FASTKD1: variants seen among roughly 807,000 people sequenced by gnomAD.
The protein encoded by FASTKD1 is FAST kinase domain-containing protein 1, mitochondrial.
FASTKD1 carries 94 observed loss-of-function variants against 90.9 expected under a neutral mutation model. That is an observed-to-expected ratio of 1.03 (90% CI 0.88 to 1.23). The LOEUF (loss-of-function observed/expected upper bound fraction) is 1.23. Ranked by LOEUF, FASTKD1 falls within the 50% of genes most tolerant of loss-of-function variation. FASTKD1 has a pLI of 0.00. For synonymous variants in FASTKD1, 319 were observed against 345.8 expected (o/e 0.92, Z 0.86); for missense variants, 945 against 993.5 (o/e 0.95, Z 0.66).
At chr2:169,560,214 A>T (rs994538722) in intron 5 of FASTKD1, 173 bp downstream of exon 5, 3 of 417,474 alleles carry the variant, frequency 7.2e-6, no homozygotes, top group African/African-American at 6.2e-5. Context: ...AGAGTTTGAG[A>T]TGTAAATTAG....
At chr2:169,551,116 G>T (rs1266204195) in intron 7 of FASTKD1, among the ~76,000 whole-genome samples, 1 of 152,006 alleles carries the variant, frequency 6.6e-6, no homozygotes. Context: ...GGTTATAGGG[G>T]AAAAAAAGTA....
In FASTKD1 at chr2:169,528,753, C is replaced by G. The variant is rs906879796; in HGVS notation, c.*1072G>C. On this transcript the variant is annotated 3_prime_UTR_variant, in exon 15 of 15. Transcript: ENST00000453153. ...ATTTTCATGTTGCTAAATTTAATAGCCATTTCCCATTTGTCATCTTTCCTG... is the reference window on the plus strand; with the variant it reads ...ATTTTCATGTTGCTAAATTTAATAGGCATTTCCCATTTGTCATCTTTCCTG... Among the ~76,000 whole-genome samples, 3 of 152,100 alleles carry G rather than the reference C, an allele frequency of 2.0e-5. No individual in the cohort carries two copies. The highest frequency in any genetic ancestry group is 1.3e-4 in the Admixed American group (2 of 15,268).
In FASTKD1 at chr2:169,557,694, G is replaced by A. The variant is rs185507077; in HGVS notation, c.972-397C>T. On this transcript the variant is annotated intron_variant, in intron 5 of 14. Transcript: ENST00000453153. ...TCCCAAATGTTTTAAAACTGAATAGGAACATCTAGGAGTCAATAAACCTGC... is the reference window on the plus strand; with the variant it reads ...TCCCAAATGTTTTAAAACTGAATAGAAACATCTAGGAGTCAATAAACCTGC... 6.3e-3 allele frequency among the ~76,000 whole-genome samples: 957 copies of A among 152,188 alleles called. 4 individuals are homozygous for A. Among genetic ancestry groups the A allele is most frequent in the Non-Finnish European group, 0.01 (698 of 68,000 alleles).
At chr2:169,556,315 A>G (rs972372351) in intron 6 of FASTKD1, among the ~76,000 whole-genome samples, 3 of 151,776 alleles carry the variant, frequency 2.0e-5, no homozygotes, top group East Asian at 1.9e-4. Flanking sequence ...ACGTGCCTGT[A>G]GTCCCAGGTA....
At chr2:169,568,628 T>TAAAA (rs10618482) in intron 3 of FASTKD1, among the ~76,000 whole-genome samples, 4 of 41,540 alleles carry the variant, frequency 9.6e-5, no homozygotes, top group Admixed American at 4.3e-4. Context: ...CCCTGTCCAT[T>TAAAA]AAAAAAAAAA....
chr2:169,537,934 A>G, intron 11 of FASTKD1, 79 bp downstream of exon 11: 2 of 1,257,906 alleles, frequency 1.6e-6, no homozygotes, highest in Middle Eastern at 2.0e-4. Flanking sequence ...ATGTTTAAGT[A>G]TAACAAGATT....
chr2:169,560,270 T>C (rs879832369), intron 5 of FASTKD1, 117 bp downstream of exon 5: 5 of 677,352 alleles, frequency 7.4e-6, no homozygotes, highest in African/African-American at 1.9e-5. Flanking sequence ...GAGATTATTT[T>C]CCCTTCCACA....
chr2:169,555,666 G>A (rs531601434), intron 6 of FASTKD1, among the ~76,000 whole-genome samples: 1 of 152,186 alleles, frequency 6.6e-6, no homozygotes, highest in African/African-American at 2.4e-5. Context: ...AAAAGCAAAG[G>A]GAAATGCTAA....
At chr2:169,537,375 CT>C (rs758411439) in intron 11 of FASTKD1, 35 bp from the exon 12 acceptor site, 26 of 1,311,036 alleles carry the variant, frequency 2.0e-5, no homozygotes, top group East Asian at 7.4e-5. Flanking sequence ...TCTACTTAAT[CT>C]TTTTTTTCTT....
chr2:169,532,896 A>C (rs551466550), intron 12 of FASTKD1, among the ~76,000 whole-genome samples: 5 of 152,304 alleles, frequency 3.3e-5, no homozygotes, highest in African/African-American at 1.2e-4. Context: ...CATTGAGTTC[A>C]TTATAGTAGG....
In FASTKD1 at chr2:169,571,380, G is replaced by A. The variant is rs544585026; in HGVS notation, c.377+273C>T. 8.7e-4 allele frequency: 171 copies of A among 196,292 alleles called. 2 individuals are homozygous for A. In the South Asian group the frequency reaches 0.017, roughly 20 times the overall value. 12.2% of individuals were successfully genotyped at this position (196,292 alleles called of 1,614,324 possible). ...AGATCAAGACCATCCTGGCTAACAT[G>A]GTGAAACCCCGTCTCTACTAAAAAT... On this transcript the variant is annotated intron_variant, in intron 2 of 14. Coordinates refer to ENST00000453153, the MANE Select transcript of FASTKD1 (RefSeq NM_024622.6).
In FASTKD1 at chr2:169,548,005, A is replaced by AC. The variant is rs1295213536; in HGVS notation, c.1215-1302_1215-1301insG. ...TGATGCCCTCCGTCTCAAAAAAAAA[A>AC]AAACAAAACAAAAACAAAAAGAAAA... On this transcript the variant is annotated intron_variant, in intron 7 of 14. Transcript: ENST00000453153. Among the ~76,000 whole-genome samples the AC allele has an allele frequency of 9.2e-4, 139 of 150,478 alleles. 1 individual carries two copies. Among genetic ancestry groups the AC allele is most frequent in the Non-Finnish European group, 1.7e-3 (115 of 67,610 alleles).
intron 7 of FASTKD1, among the ~76,000 whole-genome samples, chr2:169,550,666 A>G (rs867568326): frequency 6.6e-6 from 1 of 152,096 alleles, no homozygotes; most frequent in South Asian, 2.1e-4. Context: ...TTTTGTAGAG[A>G]CAGAGGCTTG....
Position 169,531,383 on chromosome 2 carries a change from CT to C in FASTKD1, c.2295del (p.Ile765MetfsTer30), listed in dbSNP as rs1176169872. 1 of 1,613,534 alleles carries C rather than the reference CT, an allele frequency of 6.2e-7. No individual in the cohort carries two copies. On this transcript the variant is annotated frameshift_variant, in exon 13 of 15. Transcript: ENST00000453153. LOFTEE classifies it high-confidence loss of function. ...PEMPWESNIE[I>X]VGSRLPPGAE... is the part of the protein sequence containing the mutation. Reference sequence around the variant, plus strand: ...GCCCCTGGTGGCAGCCTTGATCCAACTATTTCGATATTTGATTCCCAGGGCA... The same window carrying C: ...GCCCCTGGTGGCAGCCTTGATCCAACATTTCGATATTTGATTCCCAGGGCA...
intron 4 of FASTKD1, among the ~76,000 whole-genome samples, chr2:169,562,054 TTTATTAATTTATTGTAAAA>T (rs1683705359): frequency 7.7e-6 from 1 of 129,452 alleles, no homozygotes. Flanking sequence ...AAATTAATTA[TTTATTAATTTATTGTAAAA>T]TAATTATTTA....
intron 3 of FASTKD1, among the ~76,000 whole-genome samples, chr2:169,567,683 G>A (rs1159617213): frequency 1.3e-5 from 2 of 152,088 alleles, no homozygotes; most frequent in Admixed American, 6.6e-5. Context: ...CAGAATGGTC[G>A]CTCCTCTCTG....
intron 12 of FASTKD1, 97 bp from the exon 13 acceptor site, chr2:169,531,587 A>G: frequency 1.2e-6 from 1 of 845,882 alleles, no homozygotes; most frequent in Non-Finnish European, 1.8e-6. Flanking sequence ...TAATATTTGT[A>G]CACACACACA....
At chr2:169,569,381 G>T in intron 2 of FASTKD1, 129 bp from the exon 3 acceptor site, 1 of 810,808 alleles carries the variant, frequency 1.2e-6, no homozygotes, top group Non-Finnish European at 2.0e-6. Flanking sequence ...CCTTATTTCT[G>T]GTCCACTCTT....
chr2:169,572,047 T>G lies in FASTKD1; in HGVS notation c.-18A>C. 4 of 1,549,070 alleles carry G rather than the reference T, an allele frequency of 2.6e-6. No individual in the cohort carries two copies. The African/African-American group carries it at 4.1e-5, about 16-fold the overall frequency. On this transcript the variant is annotated 5_prime_UTR_variant, in exon 2 of 15. An upstream open reading frame in the 5' UTR loses its in-frame stop. Transcript: ENST00000453153. ...TTTTTCATTTATATCACAAGTTTTCTTAGGTAAACAAAACCATCTGCAACT... is the reference window on the plus strand; with the variant it reads ...TTTTTCATTTATATCACAAGTTTTCGTAGGTAAACAAAACCATCTGCAACT...
Sources: gnomAD v4.1 joint callset for allele counts (sites outside exome capture counted in the v4.1 genomes callset) on GRCh38, gnomAD v4.1.1 for gene constraint, MANE v1.5 for transcripts, NCBI Gene and HGNC (gene_info 2026-07-23, HGNC 2026-07-21) for gene names.